The following SLC6A3 variants were observed in gnomAD, a reference collection of about 807,000 sequenced individuals.
The protein encoded by SLC6A3 is solute carrier family 6 member 3.
SLC6A3 carries 19 observed loss-of-function variants against 70.4 expected under a neutral mutation model. The observed-to-expected ratio is 0.27, with a 90% CI of 0.19 to 0.40. The LOEUF (loss-of-function observed/expected upper bound fraction) is 0.40, where lower values mean the gene tolerates loss of function less well. SLC6A3 is among the 10% of genes least tolerant of loss of function. The pLI is 1.00. For missense variants in SLC6A3, 613 were observed against 838.5 expected (o/e 0.73, Z 3.32); for synonymous variants, 368 against 356.6 (o/e 1.03, Z -0.36).
intron 4 of SLC6A3, among the ~76,000 whole-genome samples, chr5:1,423,933 ATGGT>A (rs1293319578): frequency 6.6e-6 from 1 of 152,166 alleles, no homozygotes; most frequent in Non-Finnish European, 1.5e-5. Context: ...CCTGACACCC[ATGGT>A]GGAGCCCGGC....
rs1208266083 is a variant in SLC6A3 at position 1,408,445 on chromosome 5, G to A, written c.1498+581C>T. Among the ~76,000 whole-genome samples, 1 of 152,080 alleles carries A rather than the reference G, an allele frequency of 6.6e-6. No homozygotes were observed. Among genetic ancestry groups the A allele is most frequent in the Non-Finnish European group, 1.5e-5 (1 of 68,004 alleles). Reference sequence around the variant, plus strand: ...ACTCCTGCCCATTTTACAGAAGAGAGAACTAAGGGGAGTCGAGGTGACTTG... The same window carrying A: ...ACTCCTGCCCATTTTACAGAAGAGAAAACTAAGGGGAGTCGAGGTGACTTG... On this transcript the variant is annotated intron_variant, in intron 11 of 14. Coordinates refer to ENST00000270349, the MANE Select transcript of SLC6A3 (RefSeq NM_001044.5). This position sits in a 1 kb window ranked among gnomAD's most constrained non-coding sequence, Gnocchi z 6.4.
Position 1,404,172 on chromosome 5 carries a change from C to T in SLC6A3, c.1600-1083G>A, listed in dbSNP as rs1248678141. ...CTCATGCCAGTCTCAGCATCTTCTT[C>T]ATGCGCTACTTCGGGCCACTTGTAG... On this transcript the variant is annotated intron_variant, in intron 12 of 14. Transcript: ENST00000270349. The surrounding 1 kb of genome is among the most constrained non-coding windows in gnomAD (Gnocchi z 5.2). Among the ~76,000 whole-genome samples, 1 of 152,264 alleles carries T rather than the reference C, an allele frequency of 6.6e-6. No homozygotes were observed. The highest frequency in any genetic ancestry group is 2.4e-5 in the African/African-American group (1 of 41,482).
rs1378689104 is a variant in SLC6A3 at position 1,405,109 on chromosome 5, C to A, written c.1599+1079G>T. On this transcript the variant is annotated intron_variant, in intron 12 of 14. Coordinates refer to ENST00000270349, the MANE Select transcript of SLC6A3 (RefSeq NM_001044.5). The surrounding 1 kb of genome is among the most constrained non-coding windows in gnomAD (Gnocchi z 5.3). ...AAGCCCGCCCCATGAATCCAGGAACCTTCAACGGGAGCCTTCACAAGCGCA... is the reference window on the plus strand; with the variant it reads ...AAGCCCGCCCCATGAATCCAGGAACATTCAACGGGAGCCTTCACAAGCGCA... Among the ~76,000 whole-genome samples the A allele has an allele frequency of 6.6e-6, 1 of 152,204 alleles. No homozygotes were observed. The highest frequency in any genetic ancestry group is 1.5e-5 in the Non-Finnish European group (1 of 68,040).
Position 1,393,955 on chromosome 5 carries a change from C to T in SLC6A3, c.*780G>A, listed in dbSNP as rs1183730076. 3 of 154,968 alleles carry T rather than the reference C, an allele frequency of 1.9e-5. No individual in the cohort carries two copies. Among genetic ancestry groups the T allele is most frequent in the Non-Finnish European group, 4.4e-5 (3 of 68,578 alleles). 9.6% of individuals were successfully genotyped at this position (154,968 alleles called of 1,614,324 possible). A position where few individuals can be genotyped will look rare whatever the true frequency, so the allele number is the denominator to read the frequency against. ...GATAGGACACGCTCCTGTGGGGGCC[C>T]TGCATGCGTCCGGGGATAGGACACG... On this transcript the variant is annotated 3_prime_UTR_variant, in exon 15 of 15. Transcript: ENST00000270349.
In SLC6A3 at chr5:1,410,923, C is replaced by T. The variant is rs550402416; in HGVS notation, c.1269+320G>A. Among the ~76,000 whole-genome samples the T allele has an allele frequency of 4.6e-5, 7 of 151,420 alleles. No homozygotes were observed. The South Asian group carries it at 1.3e-3, about 27-fold the overall frequency. On this transcript the variant is annotated intron_variant, in intron 9 of 14. Coordinates refer to ENST00000270349, the MANE Select transcript of SLC6A3 (RefSeq NM_001044.5). Reference sequence around the variant, plus strand: ...GCATGGTGGTGTGAATGTGTGTGTTCGTGTATGTGTGTATGTGTGTGCGTG... The same window carrying T: ...GCATGGTGGTGTGAATGTGTGTGTTTGTGTATGTGTGTATGTGTGTGCGTG...
chr5:1,427,741 G>A (rs1198533713), intron 4 of SLC6A3, among the ~76,000 whole-genome samples: 1 of 152,202 alleles, frequency 6.6e-6, no homozygotes, highest in Non-Finnish European at 1.5e-5. Flanking sequence ...ACTTCAGAAT[G>A]AGAAATCTAA....
intron 4 of SLC6A3, among the ~76,000 whole-genome samples, chr5:1,422,445 C>A: frequency 6.9e-6 from 1 of 144,912 alleles, no homozygotes; most frequent in Non-Finnish European, 1.5e-5. Flanking sequence ...CCCACCGCTG[C>A]CCACAGTGCT....
intron 4 of SLC6A3, among the ~76,000 whole-genome samples, chr5:1,426,362 G>T (rs924578801): frequency 3.3e-5 from 5 of 152,046 alleles, no homozygotes; most frequent in Non-Finnish European, 7.4e-5. Context: ...AACATGGCAA[G>T]ACCCCACTTT....
chr5:1,438,557 G>A lies in SLC6A3; in HGVS notation c.418+2802C>T, dbSNP rs915168206. ...TAGAAATTGCTTCTTGACATTTTAT[G>A]GACTACACCATGAAGACCCACAACG... On this transcript the variant is annotated intron_variant, in intron 3 of 14. Transcript: ENST00000270349. The surrounding 1 kb of genome is among the most constrained non-coding windows in gnomAD (Gnocchi z 6.5). 6.6e-6 allele frequency among the ~76,000 whole-genome samples: 1 copy of A among 152,206 alleles called. No homozygotes were observed. Among genetic ancestry groups the A allele is most frequent in the African/African-American group, 2.4e-5 (1 of 41,448 alleles).
At chr5:1,419,294 T>C (rs1437411877) in intron 6 of SLC6A3, among the ~76,000 whole-genome samples, 1 of 145,178 alleles carries the variant, frequency 6.9e-6, no homozygotes, top group Non-Finnish European at 1.5e-5. Flanking sequence ...CTATCATCCA[T>C]CCATCCTATC....
In SLC6A3 at chr5:1,404,867, A is replaced by G. The variant is rs1388112496; in HGVS notation, c.1599+1321T>C. 1.3e-5 allele frequency among the ~76,000 whole-genome samples: 2 copies of G among 152,274 alleles called. No homozygotes were observed. The highest frequency in any genetic ancestry group is 2.9e-5 in the Non-Finnish European group (2 of 68,052). On this transcript the variant is annotated intron_variant, in intron 12 of 14. Transcript: ENST00000270349. This position sits in a 1 kb window ranked among gnomAD's most constrained non-coding sequence, Gnocchi z 5.2. ...GTTTCTGTATGAAGTTCGAAGATTT[A>G]GTCTAAGATCAGTAGAACATTTTAT...
At position 1,437,906 on chromosome 5, in the gene SLC6A3, C is replaced by G. The variant is rs989157625; in HGVS notation, c.418+3453G>C. ...ACTTCTATTCAATGAGACATGAAAA[C>G]GTATGCATTTTTATTAACCAGATTT... On this transcript the variant is annotated intron_variant, in intron 3 of 14. Transcript: ENST00000270349. This position sits in a 1 kb window ranked among gnomAD's most constrained non-coding sequence, Gnocchi z 4.8. Among the ~76,000 whole-genome samples the G allele has an allele frequency of 1.3e-5, 2 of 152,192 alleles. No homozygotes were observed. The highest frequency in any genetic ancestry group is 2.9e-5 in the Non-Finnish European group (2 of 68,040).
In SLC6A3 at chr5:1,394,845, G is replaced by A; in HGVS notation, c.1840-87C>T. The A allele has an allele frequency of 6.9e-7, 1 of 1,459,396 alleles. No homozygotes were observed. The highest frequency in any genetic ancestry group is 9.6e-7 in the Non-Finnish European group (1 of 1,040,448). The allele number at this position is 1,459,396 out of a possible 1,614,324, so 90.4% of individuals were successfully genotyped here. ...AGGTGGCTAAGAGCAGCTGAAGGCA[G>A]TGAGCAGACAGTTTGCAGCCTCCTG... On this transcript the variant is annotated intron_variant, in intron 14 of 14. Coordinates refer to ENST00000270349, the MANE Select transcript of SLC6A3 (RefSeq NM_001044.5). The surrounding 1 kb of genome is among the most constrained non-coding windows in gnomAD (Gnocchi z 4.7).
At chr5:1,430,586 T>G (rs542807049) in intron 4 of SLC6A3, among the ~76,000 whole-genome samples, 2 of 152,290 alleles carry the variant, frequency 1.3e-5, no homozygotes, top group East Asian at 3.9e-4. Context: ...GCCCGAAGGC[T>G]CCATCTCAGC....
Position 1,404,443 on chromosome 5 carries a change from G to T in SLC6A3, c.1600-1354C>A, listed in dbSNP as rs2126327648. 6.6e-6 allele frequency among the ~76,000 whole-genome samples: 1 copy of T among 152,342 alleles called. No homozygotes were observed. Among genetic ancestry groups the T allele is most frequent in the South Asian group, 2.1e-4 (1 of 4,826 alleles). On this transcript the variant is annotated intron_variant, in intron 12 of 14. Coordinates refer to ENST00000270349, the MANE Select transcript of SLC6A3 (RefSeq NM_001044.5). This position sits in a 1 kb window ranked among gnomAD's most constrained non-coding sequence, Gnocchi z 5.2. ...TTGCTGTAATGTGCTCTCTGTTATT[G>T]TTCAACTTCTTGCTAGATACCACCT...
chr5:1,421,782 T>A lies in SLC6A3; in HGVS notation c.792+94A>T, dbSNP rs1364221501. On this transcript the variant is annotated intron_variant, in intron 5 of 14. Coordinates refer to ENST00000270349, the MANE Select transcript of SLC6A3 (RefSeq NM_001044.5). This position sits in a 1 kb window ranked among gnomAD's most constrained non-coding sequence, Gnocchi z 7.2. ...CCACATTGGTAGCACAAAACCCAACTGAGGCCACACGTGCACCTCCTGTCC... is the reference window on the plus strand; with the variant it reads ...CCACATTGGTAGCACAAAACCCAACAGAGGCCACACGTGCACCTCCTGTCC... 7.1e-7 allele frequency: 1 copy of A among 1,403,236 alleles called. No individual in the cohort carries two copies. Among genetic ancestry groups the A allele is most frequent in the East Asian group, 2.3e-5 (1 of 43,818 alleles). 86.9% of individuals were successfully genotyped at this position (1,403,236 alleles called of 1,614,324 possible).
At chr5:1,443,997 C>A (rs1456237036) in intron 1 of SLC6A3, among the ~76,000 whole-genome samples, 3 of 152,144 alleles carry the variant, frequency 2.0e-5, no homozygotes, top group Non-Finnish European at 4.4e-5. Context: ...CAAGCCTGGG[C>A]TTGTATTGTT....
rs1192540481 is a variant in SLC6A3 at position 1,413,423 on chromosome 5, C to T, written c.1156+1268G>A. Among the ~76,000 whole-genome samples the T allele has an allele frequency of 6.6e-6, 1 of 152,154 alleles. No individual in the cohort carries two copies. The highest frequency in any genetic ancestry group is 1.5e-5 in the Non-Finnish European group (1 of 68,038). ...GTGTTCCTACCTGCGGTGCGAGGGTCCTAGTGCCCCACTCTGTGAGACTCA... is the reference window on the plus strand; with the variant it reads ...GTGTTCCTACCTGCGGTGCGAGGGTTCTAGTGCCCCACTCTGTGAGACTCA... On this transcript the variant is annotated intron_variant, in intron 8 of 14. Transcript: ENST00000270349. This position sits in a 1 kb window ranked among gnomAD's most constrained non-coding sequence, Gnocchi z 7.1.
chr5:1,427,334 G>T (rs541330860), intron 4 of SLC6A3, among the ~76,000 whole-genome samples: 1 of 152,332 alleles, frequency 6.6e-6, no homozygotes, highest in South Asian at 2.1e-4. Flanking sequence ...TCACTTGAAG[G>T]TCAGTGTTGT....
Sources: gnomAD v4.1 joint callset for allele counts (sites outside exome capture counted in the v4.1 genomes callset) on GRCh38, gnomAD v4.1.1 for gene constraint, Gnocchi (gnomAD v3.1) non-coding constraint, MANE v1.5 for transcripts, NCBI Gene and HGNC (gene_info 2026-07-23, HGNC 2026-07-21) for gene names.